Variants in ATP8A1 observed in about 807,000 individuals in gnomAD.
The protein encoded by ATP8A1 is phospholipid-transporting ATPase IA.
ATP8A1 carries 90 observed loss-of-function variants against 177.7 expected under a neutral mutation model. The ratio of observed to expected loss-of-function variants is 0.51; its 90% confidence interval spans 0.43 to 0.60. ATP8A1 has a LOEUF of 0.60. Among genes scored for constraint, ATP8A1 ranks in the 20% least tolerant of loss-of-function variants. The probability of loss-of-function intolerance (pLI) is 0.00; values close to 1 mark genes in which losing one functional copy is unlikely to be tolerated. For missense variants in ATP8A1, 1,072 were observed against 1,392.8 expected (o/e 0.77, Z 3.67); for synonymous variants, 493 against 485.9 (o/e 1.01, Z -0.19).
At position 42,574,607 on chromosome 4, in the gene ATP8A1, G is replaced by GA. The variant is rs778539266; in HGVS notation, c.1295+11dup. On this transcript the variant is annotated intron_variant, in intron 14 of 36. Coordinates refer to ENST00000381668, the MANE Select transcript of ATP8A1 (RefSeq NM_006095.2). ...CATGTATTTCATATCCTAATTAAAGGAAAAAACTCACCCATAAGCAACTCC... is the reference window on the plus strand; with the variant it reads ...CATGTATTTCATATCCTAATTAAAGGAAAAAAACTCACCCATAAGCAACTCC... 4 of 1,601,080 alleles carry GA rather than the reference G, an allele frequency of 2.5e-6. No individual in the cohort carries two copies. Among genetic ancestry groups the GA allele is most frequent in the East Asian group, 2.2e-5 (1 of 44,612 alleles).
In ATP8A1 at chr4:42,447,448, G is replaced by T. The variant is rs143555110; in HGVS notation, c.2897-804C>A. On this transcript the variant is annotated intron_variant, in intron 30 of 36. Coordinates refer to ENST00000381668, the MANE Select transcript of ATP8A1 (RefSeq NM_006095.2). ...TCTGCTGGCTTTGGCCTCCCAAAGC[G>T]CTGGGATTACAAGAGTGAGCCACTG... Among the ~76,000 whole-genome samples, 6 of 152,210 alleles carry T rather than the reference G, an allele frequency of 3.9e-5. No homozygotes were observed. The Middle Eastern group carries it at 0.014, about 345-fold the overall frequency.
intron 31 of ATP8A1, among the ~76,000 whole-genome samples, chr4:42,445,911 C>G (rs1717163698): frequency 6.6e-6 from 1 of 151,612 alleles, no homozygotes; most frequent in East Asian, 1.9e-4. Flanking sequence ...GAAACCTTGT[C>G]TCTACTAAAA....
chr4:42,495,967 C>T (rs1405461016), intron 24 of ATP8A1, among the ~76,000 whole-genome samples: 2 of 152,132 alleles, frequency 1.3e-5, no homozygotes, highest in Non-Finnish European at 2.9e-5. Flanking sequence ...GGAAGTGGTC[C>T]AATCTCCCAG....
At position 42,485,609 on chromosome 4, in the gene ATP8A1, C is replaced by A. The variant is rs1329287321; in HGVS notation, c.2211G>T (p.Glu737Asp). Reference protein sequence around the residue: ...CTTLGDALRKENDFALIIDGK... With the variant: ...CTTLGDALRKDNDFALIIDGK... ...CATCAATTATAAGAGCAAAATCATTCTCTTTCCGGAGAGCATCACCAAGGG... is the reference window on the plus strand; with the variant it reads ...CATCAATTATAAGAGCAAAATCATTATCTTTCCGGAGAGCATCACCAAGGG... The change falls in exon 25 of 37, where the codon GAG (glutamate) becomes GAT (aspartate). Residue 737 changes from glutamate to aspartate, a missense_variant. Physicochemically the swap from Glu to Asp is conservative, Grantham distance 45. Transcript: ENST00000381668. 8.7e-6 allele frequency: 14 copies of A among 1,613,624 alleles called. No individual in the cohort carries two copies. Among genetic ancestry groups the A allele is most frequent in the Non-Finnish European group, 1.0e-5 (12 of 1,179,764 alleles).
intron 1 of ATP8A1, among the ~76,000 whole-genome samples, chr4:42,635,079 T>G (rs576871141): frequency 6.6e-6 from 1 of 152,306 alleles, no homozygotes; most frequent in Admixed American, 6.5e-5. Context: ...TGGATAATAT[T>G]TATAGTTGTG....
intron 9 of ATP8A1, among the ~76,000 whole-genome samples, chr4:42,585,830 CAA>C (rs1333166493): frequency 6.6e-6 from 1 of 151,732 alleles, no homozygotes; most frequent in East Asian, 1.9e-4. Context: ...AAGCAGGTAA[CAA>C]AAAGAGATGA....
At chr4:42,555,834 C>CTAAT in intron 16 of ATP8A1, 134 bp downstream of exon 16, 3 of 655,338 alleles carry the variant, frequency 4.6e-6, no homozygotes, top group Non-Finnish European at 7.4e-6. Context: ...AAATAACTAA[C>CTAAT]TAACTAACTA....
chr4:42,578,433 A>C, intron 11 of ATP8A1, 46 bp from the exon 12 acceptor site: 1 of 1,592,252 alleles, frequency 6.3e-7, no homozygotes, highest in African/African-American at 1.4e-5. Context: ...TTTATATTTT[A>C]TTTGCATTGA....
chr4:42,654,246 T>TC (rs1342514216), intron 1 of ATP8A1, among the ~76,000 whole-genome samples: 1 of 152,116 alleles, frequency 6.6e-6, no homozygotes, highest in Non-Finnish European at 1.5e-5. Flanking sequence ...AGGTCCTGCG[T>TC]CCCCCACAGC....
intron 19 of ATP8A1, among the ~76,000 whole-genome samples, chr4:42,544,740 G>A (rs1035778710): frequency 6.6e-6 from 1 of 152,138 alleles, no homozygotes; most frequent in Non-Finnish European, 1.5e-5. Context: ...GGCAGAAGAG[G>A]ACTACTCAAA....
At chr4:42,516,872 C>T (rs1725592772) in intron 22 of ATP8A1, among the ~76,000 whole-genome samples, 2 of 151,958 alleles carry the variant, frequency 1.3e-5, no homozygotes, top group African/African-American at 2.4e-5. Context: ...GTGATATCAC[C>T]CTGGCTCCTG....
intron 12 of ATP8A1, among the ~76,000 whole-genome samples, chr4:42,576,923 C>A (rs1732520964): frequency 6.6e-6 from 1 of 152,164 alleles, no homozygotes; most frequent in South Asian, 2.1e-4. Context: ...TTTTGCAAGA[C>A]TATCATTCAG....
chr4:42,561,681 T>C (rs529464486), intron 15 of ATP8A1: 1 of 152,406 alleles, frequency 6.6e-6, no homozygotes, highest in Admixed American at 6.5e-5. Flanking sequence ...GGAGCCTCTG[T>C]AGGGAGCACC....
chr4:42,656,793 C>G (rs765555813), intron 1 of ATP8A1, 32 bp downstream of exon 1: 3 of 1,531,842 alleles, frequency 2.0e-6, no homozygotes, highest in Non-Finnish European at 2.6e-6. Context: ...TTCCCGACCC[C>G]GGGCTAGCCC....
intron 27 of ATP8A1, among the ~76,000 whole-genome samples, chr4:42,461,251 T>TC (rs1404671049): frequency 1.3e-4 from 19 of 151,394 alleles, no homozygotes; most frequent in African/African-American, 3.6e-4. Flanking sequence ...TTTCTTTCTT[T>TC]TTTTTTTTTT....
intron 20 of ATP8A1, among the ~76,000 whole-genome samples, chr4:42,535,588 G>A (rs1017662702): frequency 2.6e-5 from 4 of 152,000 alleles, no homozygotes; most frequent in African/African-American, 7.2e-5. Context: ...AACAATGGAC[G>A]TAAATTGTAC....
intron 5 of ATP8A1, among the ~76,000 whole-genome samples, chr4:42,608,278 A>T (rs1485001551): frequency 2.8e-5 from 1 of 36,360 alleles, no homozygotes; most frequent in Non-Finnish European, 6.8e-5. Flanking sequence ...CACGCCTCCC[A>T]CCCACCCCAC....
Position 42,517,291 on chromosome 4 carries a change from C to CA in ATP8A1, c.1947+4868dup, listed in dbSNP as rs34576268. Among the ~76,000 whole-genome samples, 233 of 102,230 alleles carry CA rather than the reference C, an allele frequency of 2.3e-3. 4 individuals carry two copies. Among genetic ancestry groups the CA allele is most frequent in the South Asian group, 0.014 (41 of 2,998 alleles). The allele number at this position is 102,230 out of a possible 152,430, so 67.1% of individuals were successfully genotyped here. ...CTGGCAACAGAGTGAGACTCCGTCT[C>CA]AAAAAAAAAAAAAAAAAACAAATTC... On this transcript the variant is annotated intron_variant, in intron 22 of 36. Transcript: ENST00000381668.
intron 27 of ATP8A1, among the ~76,000 whole-genome samples, chr4:42,457,375 T>A (rs1053341753): frequency 2.0e-4 from 30 of 152,332 alleles, no homozygotes; most frequent in Non-Finnish European, 4.0e-4. Context: ...GGGGCTATTT[T>A]CCATGAAGGC....
Sources: allele counts gnomAD v4.1 joint callset (sites outside exome capture counted in the v4.1 genomes callset), GRCh38; gene constraint gnomAD v4.1.1; transcripts MANE v1.5; gene names NCBI Gene and HGNC (gene_info 2026-07-23, HGNC 2026-07-21).